The following FMN2 variants were observed in gnomAD, a reference collection of about 807,000 sequenced individuals.
FMN2 encodes formin-2.
Under a neutral mutation model 142.3 loss-of-function variants are expected in FMN2, and 51 were observed. The ratio of observed to expected loss-of-function variants is 0.36; its 90% CI spans 0.29 to 0.45. FMN2 has a LOEUF of 0.45. Among genes scored for constraint, FMN2 ranks in the 20% least tolerant of loss-of-function variants. The probability of loss-of-function intolerance (pLI) is 1.00; values close to 1 mark genes in which losing one functional copy is unlikely to be tolerated. For synonymous variants in FMN2, 882 were observed against 869.8 expected (o/e 1.01, Z -0.25); for missense variants, 1,936 against 2,122.8 (o/e 0.91, Z 1.73).
At chr1:240,269,487 G>A (rs995551022) in intron 7 of FMN2, among the ~76,000 whole-genome samples, 1 of 151,584 alleles carries the variant, frequency 6.6e-6, no homozygotes, top group African/African-American at 2.4e-5. Context: ...TGATTTCTCT[G>A]GTTTTGTCCT....
intron 7 of FMN2, among the ~76,000 whole-genome samples, chr1:240,291,168 A>G (rs1265228089): frequency 6.6e-6 from 1 of 152,124 alleles, no homozygotes; most frequent in Non-Finnish European, 1.5e-5. Context: ...AGTGGTAAAT[A>G]TCTCCGTTGT....
At chr1:240,451,007 C>T (rs997280797) in intron 16 of FMN2, among the ~76,000 whole-genome samples, 15 of 152,176 alleles carry the variant, frequency 9.9e-5, no homozygotes, top group African/African-American at 3.6e-4. Flanking sequence ...GAATTCAGCC[C>T]TATCCCTTGG....
At chr1:240,167,837 G>T (rs1202146217) in intron 2 of FMN2, among the ~76,000 whole-genome samples, 8 of 152,160 alleles carry the variant, frequency 5.3e-5, no homozygotes, top group Non-Finnish European at 1.0e-4. Context: ...AGCACTTTGG[G>T]AGGCCGAGGC....
intron 1 of FMN2, among the ~76,000 whole-genome samples, chr1:240,116,888 G>C (rs1216994076): frequency 6.6e-6 from 1 of 152,180 alleles, no homozygotes; most frequent in Non-Finnish European, 1.5e-5. Context: ...GTTAATTCCG[G>C]TTAGTAGTTT....
chr1:240,146,588 C>G (rs982517855), intron 2 of FMN2, among the ~76,000 whole-genome samples: 1 of 151,718 alleles, frequency 6.6e-6, no homozygotes, highest in African/African-American at 2.4e-5. Flanking sequence ...ACTCTAGTCC[C>G]AGTTACTTGA....
chr1:240,095,017 CT>C (rs1306901346), intron 1 of FMN2, among the ~76,000 whole-genome samples: 1 of 151,756 alleles, frequency 6.6e-6, no homozygotes, highest in Non-Finnish European at 1.5e-5. Flanking sequence ...TCTTTTCCAC[CT>C]TCTCTTTATT....
At chr1:240,140,107 T>C (rs1663117186) in intron 2 of FMN2, among the ~76,000 whole-genome samples, 1 of 152,176 alleles carries the variant, frequency 6.6e-6, no homozygotes, top group Non-Finnish European at 1.5e-5. Context: ...ATTGGCTTAC[T>C]CTCACTTTCT....
rs758721429 is a variant in FMN2, at chr1:240,208,496, T to C, written c.3684T>C (p.Pro1228=). Residue 1228 remains proline (P), a synonymous_variant, in exon 5 of 18, where the codon CCT becomes CCC. Transcript: ENST00000319653. ...PPAPAPPLPP[P]GTGIPPPPLL... is the part of the protein sequence containing the mutation. ...CTCCAGCTCCCCCACTCCCTCCACCTGGGACAGGAATCCCACCGCCCCCTC... is the reference window on the plus strand; with the variant it reads ...CTCCAGCTCCCCCACTCCCTCCACCCGGGACAGGAATCCCACCGCCCCCTC... 2.0e-5 allele frequency: 32 copies of C among 1,609,328 alleles called. No homozygotes were observed. Among genetic ancestry groups the C allele is most frequent in the Non-Finnish European group, 2.4e-5 (28 of 1,178,432 alleles).
chr1:240,303,965 A>T (rs1457671258), intron 8 of FMN2, among the ~76,000 whole-genome samples: 6 of 151,762 alleles, frequency 4.0e-5, no homozygotes, highest in African/African-American at 1.5e-4. Context: ...GCATTATTTT[A>T]TGTTAGTTAT....
chr1:240,429,012 A>G (rs1675049665), intron 15 of FMN2, among the ~76,000 whole-genome samples: 1 of 151,972 alleles, frequency 6.6e-6, no homozygotes, highest in Admixed American at 6.6e-5. Flanking sequence ...TGATTTAAAA[A>G]CTTTTCCTTA....
At chr1:240,443,744 C>T (rs368642929) in intron 16 of FMN2, among the ~76,000 whole-genome samples, 25 of 151,478 alleles carry the variant, frequency 1.7e-4, no homozygotes, top group Non-Finnish European at 3.1e-4. Context: ...CAGAGCAAGA[C>T]TCAGTCTCAA....
At chr1:240,333,145 C>T (rs993911165) in intron 11 of FMN2, among the ~76,000 whole-genome samples, 1 of 152,002 alleles carries the variant, frequency 6.6e-6, no homozygotes, top group African/African-American at 2.4e-5. Flanking sequence ...TCTACTACTA[C>T]TTTGGAACAA....
At chr1:240,468,867 C>T (rs192630533) in intron 16 of FMN2, among the ~76,000 whole-genome samples, 104 of 152,254 alleles carry the variant, frequency 6.8e-4, no homozygotes, top group African/African-American at 2.3e-3. Context: ...GTCTTCGTAC[C>T]GACTTCTCCC....
intron 14 of FMN2, among the ~76,000 whole-genome samples, chr1:240,377,662 G>A (rs1286722228): frequency 2.6e-5 from 4 of 151,906 alleles, no homozygotes; most frequent in Admixed American, 6.6e-5. Context: ...TCACTCTGTC[G>A]CTAACTCTCC....
At chr1:240,367,724 C>T (rs950492053) in intron 14 of FMN2, among the ~76,000 whole-genome samples, 39 of 143,654 alleles carry the variant, frequency 2.7e-4, no homozygotes, top group South Asian at 8.7e-4. Flanking sequence ...GCCGAGATCA[C>T]GCCACTGCAC....
intron 3 of FMN2, among the ~76,000 whole-genome samples, chr1:240,187,401 G>A (rs775870639): frequency 1.6e-4 from 25 of 151,932 alleles, no homozygotes; most frequent in African/African-American, 4.8e-4. Flanking sequence ...ATAAACTCTC[G>A]TCTTCACCTT....
At chr1:240,205,025 T>A (rs1245031381) in intron 4 of FMN2, among the ~76,000 whole-genome samples, 4 of 152,204 alleles carry the variant, frequency 2.6e-5, no homozygotes, top group Admixed American at 6.5e-5. Context: ...CTTAATATTA[T>A]CTTTATATTA....
intron 8 of FMN2, among the ~76,000 whole-genome samples, chr1:240,316,459 A>C (rs1558428961): frequency 6.6e-6 from 1 of 152,104 alleles, no homozygotes; most frequent in Non-Finnish European, 1.5e-5. Context: ...TGGGAGTCAG[A>C]GGAGGGGCAG....
intron 14 of FMN2, among the ~76,000 whole-genome samples, chr1:240,381,028 C>A (rs538074708): frequency 3.9e-5 from 6 of 152,094 alleles, no homozygotes; most frequent in Non-Finnish European, 8.8e-5. Flanking sequence ...AAAAAAATCT[C>A]TAAACAAAAA....
Sources: gnomAD v4.1 joint callset for allele counts (sites outside exome capture counted in the v4.1 genomes callset) on GRCh38, gnomAD v4.1.1 for gene constraint, MANE v1.5 for transcripts, NCBI Gene and HGNC (gene_info 2026-07-23, HGNC 2026-07-21) for gene names.